The following SDHA variants were observed in gnomAD, a reference collection of about 807,000 sequenced individuals.
SDHA encodes the protein succinate dehydrogenase [ubiquinone] flavoprotein subunit, mitochondrial.
A neutral mutation model predicts 78.4 loss-of-function variants in SDHA; 48 were observed. That is an observed-to-expected ratio of 0.61 (90% CI 0.49 to 0.78). The LOEUF is 0.78. Ranked by LOEUF, SDHA falls within the 30% of genes least tolerant of loss-of-function variation. The pLI is 0.00. For missense variants in SDHA, 680 were observed against 892.7 expected, an observed-to-expected ratio of 0.76 and a Z score of 3.04; for synonymous variants, 326 against 353.9, an observed-to-expected ratio of 0.92 and a Z score of 0.88.
At chr5:247,698 T>A (rs1444174764) in intron 11 of SDHA, among the ~76,000 whole-genome samples, 5 of 152,228 alleles carry the variant, frequency 3.3e-5, no homozygotes, top group African/African-American at 9.6e-5. Flanking sequence ...CTTTTCACTT[T>A]GGGCTGCATG....
chr5:225,636 C>T, intron 4 of SDHA, 74 bp downstream of exon 4: 1 of 1,603,130 alleles, frequency 6.2e-7, no homozygotes, highest in Non-Finnish European at 8.5e-7. Context: ...AAAATGTAAG[C>T]AATTGAGGCG....
chr5:231,632 G>A (rs1309599119), intron 7 of SDHA, among the ~76,000 whole-genome samples: 3 of 151,890 alleles, frequency 2.0e-5, no homozygotes, highest in Non-Finnish European at 2.9e-5. Flanking sequence ...TCAGCTCCTC[G>A]GGCAGGCAGG....
chr5:245,125 G>A (rs1736367245), intron 11 of SDHA, among the ~76,000 whole-genome samples: 1 of 152,136 alleles, frequency 6.6e-6, no homozygotes, highest in Non-Finnish European at 1.5e-5. Flanking sequence ...CTTAGTTAAT[G>A]AACAATTAGA....
intron 3 of SDHA, chr5:224,956 T>A (rs1287356217): frequency 1.2e-5 from 4 of 332,166 alleles, no homozygotes; most frequent in African/African-American, 2.1e-5. Context: ...CAAAGGAAGC[T>A]GGGGTACAGG....
intron 9 of SDHA, chr5:235,986 A>G (rs1157774729): frequency 4.1e-5 from 11 of 271,124 alleles, no homozygotes; most frequent in Non-Finnish European, 8.0e-5. Flanking sequence ...AAGAGTAGCT[A>G]TGGTCCTTAC....
the SDHA span, among the ~76,000 whole-genome samples, chr5:263,609 C>T: frequency 3.8e-4 from 58 of 152,268 alleles, 1 homozygote; most frequent in East Asian, 9.6e-3. Context: ...CTGTGCATTA[C>T]ACCATAAAAA....
At chr5:219,058 T>C (rs994170215) in intron 1 of SDHA, among the ~76,000 whole-genome samples, 4 of 152,262 alleles carry the variant, frequency 2.6e-5, no homozygotes, top group African/African-American at 9.6e-5. Flanking sequence ...GTTAAGGGCT[T>C]CTACTTTGGG....
chr5:245,350 A>G (rs1283312154), intron 11 of SDHA, among the ~76,000 whole-genome samples: 1 of 152,190 alleles, frequency 6.6e-6, no homozygotes, highest in South Asian at 2.1e-4. Flanking sequence ...TTTCTTTACT[A>G]TCCCCTTAGC....
intron 9 of SDHA, chr5:236,149 C>T: frequency 2.2e-6 from 1 of 452,114 alleles, no homozygotes; most frequent in South Asian, 2.1e-5. Flanking sequence ...CTCAGCCTCC[C>T]TAGTAGCTGG....
intron 11 of SDHA, 185 bp from the exon 12 acceptor site, chr5:250,807 A>C (rs7706899): frequency 0.16 from 99,506 of 611,840 alleles, 12,424 homozygotes; most frequent in African/African-American, 0.53. Context: ...TTTATTCAGA[A>C]GCTTTAGTCA....
intron 8 of SDHA, chr5:234,412 C>G (rs1213953616): frequency 1.0e-5 from 1 of 96,114 alleles, no homozygotes; most frequent in Admixed American, 1.4e-4. Flanking sequence ...GAGCAACACT[C>G]TGTCTCAAAA....
chr5:220,584 T>C (rs1734656225), intron 1 of SDHA, among the ~76,000 whole-genome samples: 1 of 152,194 alleles, frequency 6.6e-6, no homozygotes, highest in South Asian at 2.1e-4. Context: ...TGTTTTTTGA[T>C]ATGAAACCTG....
chr5:266,520 A>G, the SDHA span, among the ~76,000 whole-genome samples: 18 of 152,258 alleles, frequency 1.2e-4, no homozygotes, highest in Non-Finnish European at 2.4e-4. Context: ...ATGGAGTACT[A>G]TATGAGTCAT....
intron 7 of SDHA, among the ~76,000 whole-genome samples, chr5:233,234 G>A (rs567394229): frequency 2.6e-5 from 4 of 152,266 alleles, no homozygotes; most frequent in South Asian, 2.1e-4. Context: ...TCTGTGGGCC[G>A]GCCTTTCTCC....
intron 1 of SDHA, among the ~76,000 whole-genome samples, chr5:220,501 A>G (rs1469287709): frequency 6.6e-6 from 1 of 152,232 alleles, no homozygotes; most frequent in Non-Finnish European, 1.5e-5. Context: ...TCTTGGGATA[A>G]TTGTAACAAC....
intron 13 of SDHA, among the ~76,000 whole-genome samples, chr5:253,920 T>C (rs9688045): frequency 0.24 from 36,597 of 151,960 alleles, 6,872 homozygotes; most frequent in African/African-American, 0.53. Context: ...ATGAGCCAGG[T>C]GTGGTGGTAG....
chr5:251,398 C>T lies in SDHA; in HGVS notation c.1724C>T (p.Ala575Val), dbSNP rs750327309. Residue 575 changes from alanine (A) to valine (V), a missense_variant, in exon 13 of 15, where the codon GCG (alanine) becomes GTG (valine). Physicochemically the swap from Ala to Val is moderately conservative, Grantham distance 64 (BLOSUM62 0). Transcript: ENST00000264932. Reference sequence around the variant, plus strand: ...GAGCTGCAGAACCTGATGCTGTGTGCGCTGCAGACCATCTACGGAGCAGAG... The same window carrying T: ...GAGCTGCAGAACCTGATGCTGTGTGTGCTGCAGACCATCTACGGAGCAGAG... ...TLELQNLMLC[A>V]LQTIYGAEAR... 57 of 1,613,748 alleles carry T rather than the reference C, an allele frequency of 3.5e-5. No individual in the cohort carries two copies. The highest frequency in any genetic ancestry group is 3.8e-5 in the Non-Finnish European group (45 of 1,179,858).
chr5:245,519 C>T (rs1340297346), intron 11 of SDHA, among the ~76,000 whole-genome samples: 1 of 152,236 alleles, frequency 6.6e-6, no homozygotes, highest in Non-Finnish European at 1.5e-5. Context: ...ACTCATAAAA[C>T]ATTTTCACAG....
chr5:251,977 T>A (rs2126635165), intron 13 of SDHA: 1 of 349,100 alleles, frequency 2.9e-6, no homozygotes, highest in Non-Finnish European at 5.5e-6. Context: ...AGCCACCGTT[T>A]CAAGCCTGCC....
Sources: allele counts gnomAD v4.1 joint callset (sites outside exome capture counted in the v4.1 genomes callset), GRCh38; gene constraint gnomAD v4.1.1; transcripts MANE v1.5; gene names NCBI Gene and HGNC (gene_info 2026-07-23, HGNC 2026-07-21).